Variants in UNC5D observed in about 807,000 individuals in gnomAD.
UNC5D encodes unc-5 netrin receptor D.
UNC5D carries 39 observed loss-of-function variants against 105.4 expected under a neutral mutation model. That is an observed-to-expected ratio of 0.37 (90% CI 0.29 to 0.48). The LOEUF (loss-of-function observed/expected upper bound fraction) is 0.48, where lower values mean the gene tolerates loss of function less well. UNC5D is among the 20% of genes least tolerant of loss of function. The pLI is 0.98. For missense variants in UNC5D, 991 were observed against 1,202.4 expected, an observed-to-expected ratio of 0.82 and a Z score of 2.60; for synonymous variants, 452 against 450.4, an observed-to-expected ratio of 1.00 and a Z score of -0.04.
In UNC5D at chr8:35,333,756, A is replaced by C. The variant is rs550665227; in HGVS notation, c.103+97869A>C. On this transcript the variant is annotated intron_variant, in intron 1 of 16. Transcript: ENST00000404895. ...CTGCCTCCCAAAGTGCTGGGATTAC[A>C]GGCGTGAGCCACTGCACCAGGCCAG... Among the ~76,000 whole-genome samples, 17 of 152,322 alleles carry C rather than the reference A, an allele frequency of 1.1e-4. No homozygotes were observed. The East Asian group carries it at 2.3e-3, about 21-fold the overall frequency.
At chr8:35,703,504 C>T (rs16884268) in intron 7 of UNC5D, among the ~76,000 whole-genome samples, 8,380 of 152,226 alleles carry the variant, frequency 0.055, 627 homozygotes, top group African/African-American at 0.17. Flanking sequence ...CGCACTCATG[C>T]CTTGTGTGCC....
At chr8:35,595,296 T>C (rs888088987) in intron 3 of UNC5D, among the ~76,000 whole-genome samples, 4 of 152,202 alleles carry the variant, frequency 2.6e-5, no homozygotes, top group Non-Finnish European at 4.4e-5. Flanking sequence ...TGTTTTTTTT[T>C]CCTACTCTCC....
intron 1 of UNC5D, among the ~76,000 whole-genome samples, chr8:35,359,864 A>T (rs1299120568): frequency 6.6e-6 from 1 of 152,174 alleles, no homozygotes; most frequent in South Asian, 2.1e-4. Context: ...TTTGCTTACT[A>T]TCTAGATTTT....
At chr8:35,307,000 C>G (rs991984402) in intron 1 of UNC5D, among the ~76,000 whole-genome samples, 1 of 152,086 alleles carries the variant, frequency 6.6e-6, no homozygotes, top group Admixed American at 6.6e-5. Flanking sequence ...GTGAAAATTA[C>G]AATGATGGTC....
intron 4 of UNC5D, among the ~76,000 whole-genome samples, chr8:35,607,869 T>C (rs958220895): frequency 6.6e-6 from 1 of 152,074 alleles, no homozygotes; most frequent in Non-Finnish European, 1.5e-5. Context: ...ACCCTAACCC[T>C]AACCCTAGCA....
At chr8:35,359,087 G>T (rs79524065) in intron 1 of UNC5D, among the ~76,000 whole-genome samples, 2 of 152,090 alleles carry the variant, frequency 1.3e-5, no homozygotes, top group Non-Finnish European at 2.9e-5. Flanking sequence ...GTAGTTCGAC[G>T]CTGCAATCAG....
intron 1 of UNC5D, among the ~76,000 whole-genome samples, chr8:35,516,502 G>A (rs2130408875): frequency 6.6e-6 from 1 of 152,334 alleles, no homozygotes; most frequent in Non-Finnish European, 1.5e-5. Context: ...TCTGCTAGAA[G>A]CCACTGTGTT....
chr8:35,719,639 T>A (rs1828466625), intron 8 of UNC5D, among the ~76,000 whole-genome samples: 1 of 152,232 alleles, frequency 6.6e-6, no homozygotes, highest in South Asian at 2.1e-4. Flanking sequence ...AGCCACGTGT[T>A]AATTCATCCA....
chr8:35,516,819 C>A (rs1444519880), intron 1 of UNC5D, among the ~76,000 whole-genome samples: 3 of 152,116 alleles, frequency 2.0e-5, no homozygotes, highest in African/African-American at 7.2e-5. Flanking sequence ...TATGAGGAAT[C>A]CCAGGTTGAA....
intron 1 of UNC5D, among the ~76,000 whole-genome samples, chr8:35,493,686 T>C (rs1228495307): frequency 2.0e-5 from 3 of 152,196 alleles, no homozygotes; most frequent in African/African-American, 7.2e-5. Context: ...GAATATTGAA[T>C]ATTTGGGACT....
At chr8:35,379,408 C>T (rs893009058) in intron 1 of UNC5D, among the ~76,000 whole-genome samples, 3 of 152,204 alleles carry the variant, frequency 2.0e-5, no homozygotes, top group African/African-American at 7.2e-5. Flanking sequence ...GAGATCTGAA[C>T]ATCATCTTCA....
At chr8:35,581,943 C>T (rs948354147) in intron 3 of UNC5D, among the ~76,000 whole-genome samples, 1 of 152,134 alleles carries the variant, frequency 6.6e-6, no homozygotes, top group Admixed American at 6.6e-5. Context: ...CAAACTAGAT[C>T]CTGAATTTGT....
chr8:35,680,207 C>G (rs1227378972), intron 4 of UNC5D, among the ~76,000 whole-genome samples: 4 of 152,112 alleles, frequency 2.6e-5, no homozygotes, highest in African/African-American at 7.2e-5. Flanking sequence ...TGGTATCAAA[C>G]AGTAGGTAAA....
chr8:35,790,300 G>A (rs1457247669), intron 16 of UNC5D, 59 bp from the exon 17 acceptor site: 34 of 1,531,360 alleles, frequency 2.2e-5, no homozygotes, highest in Non-Finnish European at 3.0e-5. Context: ...GGTGATCAGT[G>A]TTTATTCCTT....
At chr8:35,779,248 G>A (rs1411105650) in intron 16 of UNC5D, among the ~76,000 whole-genome samples, 13 of 152,080 alleles carry the variant, frequency 8.5e-5, no homozygotes, top group East Asian at 1.9e-4. Context: ...GCAATGCAGA[G>A]GACTTAACAA....
intron 2 of UNC5D, among the ~76,000 whole-genome samples, chr8:35,561,839 A>G (rs1044336204): frequency 1.3e-5 from 2 of 152,222 alleles, no homozygotes; most frequent in African/African-American, 2.4e-5. Flanking sequence ...AAATAAGGAT[A>G]ATAGAAATAT....
intron 10 of UNC5D, 75 bp from the exon 11 acceptor site, chr8:35,730,937 G>T: frequency 2.9e-6 from 4 of 1,359,096 alleles, no homozygotes; most frequent in Non-Finnish European, 3.1e-6. Flanking sequence ...CCAGGTATCT[G>T]TAAGGTGCTC....
At chr8:35,473,443 G>A (rs564929016) in intron 1 of UNC5D, among the ~76,000 whole-genome samples, 3 of 152,270 alleles carry the variant, frequency 2.0e-5, no homozygotes, top group South Asian at 2.1e-4. Flanking sequence ...GTGGAATGGT[G>A]AGCAAATCCC....
At chr8:35,546,254 G>C (rs912782673) in intron 1 of UNC5D, among the ~76,000 whole-genome samples, 3 of 152,106 alleles carry the variant, frequency 2.0e-5, no homozygotes, top group Admixed American at 6.6e-5. Flanking sequence ...CCTCAGGCTT[G>C]TCCATTCCAC....
Sources: allele counts gnomAD v4.1 joint callset (sites outside exome capture counted in the v4.1 genomes callset), GRCh38; gene constraint gnomAD v4.1.1; transcripts MANE v1.5; gene names NCBI Gene and HGNC (gene_info 2026-07-23, HGNC 2026-07-21).